Variants in GXYLT2 observed in about 807,000 individuals in gnomAD.
The protein encoded by GXYLT2 is glycosyltransferase 8 domain containing 4.
Under a neutral mutation model 45.8 loss-of-function variants are expected in GXYLT2, and 53 were observed. That is an observed-to-expected ratio of 1.16 (90% CI 0.93 to 1.46). GXYLT2 has a LOEUF of 1.46. GXYLT2 is among the 40% of genes most tolerant of loss of function. The pLI is 0.00. For synonymous variants in GXYLT2, 219 were observed against 214.2 expected (o/e 1.02, Z -0.19); for missense variants, 551 against 544.4 (o/e 1.01, Z -0.12).
chr3:72,888,499 AGTT>A lies in GXYLT2; in HGVS notation c.268_270del (p.Leu90del). 8.1e-7 allele frequency: 1 copy of A among 1,233,996 alleles called. No homozygotes were observed. Among genetic ancestry groups the A allele is most frequent in the Non-Finnish European group, 1.0e-6 (1 of 985,460 alleles). 76.4% of individuals were successfully genotyped at this position (1,233,996 alleles called of 1,614,324 possible). A position where few individuals can be genotyped will look rare whatever the true frequency, so the allele number is the denominator to read the frequency against. ...CGCCGGGGCGCTGCGAGACTGGAGA[AGTT>A]GGCGAGGTGAGTCGTGGCAACCCCA... On this transcript the variant is annotated inframe_deletion, in exon 1 of 7. Coordinates refer to ENST00000389617, the MANE Select transcript of GXYLT2 (RefSeq NM_001080393.2).
intron 2 of GXYLT2, among the ~76,000 whole-genome samples, chr3:72,919,263 A>C (rs868322185): frequency 6.6e-6 from 1 of 152,206 alleles, no homozygotes; most frequent in Non-Finnish European, 1.5e-5. Flanking sequence ...TGGATAAACA[A>C]ACTGTGATAT....
intron 1 of GXYLT2, among the ~76,000 whole-genome samples, chr3:72,898,974 G>A (rs542127129): frequency 5.3e-5 from 8 of 151,732 alleles, no homozygotes; most frequent in African/African-American, 9.7e-5. Flanking sequence ...CAGGTGATCC[G>A]CCTGCCTTGG....
At chr3:72,911,971 GTGTGCATGTGTGTGTGTGTGTGTA>G (rs1413854532) in intron 2 of GXYLT2, among the ~76,000 whole-genome samples, 1 of 142,204 alleles carries the variant, frequency 7.0e-6, no homozygotes, top group Non-Finnish European at 1.5e-5. Flanking sequence ...GTGTGTGTGT[GTGTGCATGTGTGTGTGTGTGTGTA>G]TATATATATA....
rs745872107 is a variant in GXYLT2, at chr3:72,967,723, A to G, written c.1149+4A>G. 2 of 1,613,080 alleles carry G rather than the reference A, an allele frequency of 1.2e-6. No homozygotes were observed. Among genetic ancestry groups the G allele is most frequent in the African/African-American group, 2.7e-5 (2 of 74,906 alleles). On this transcript the variant is annotated splice_donor_region_variant and intron_variant, in intron 6 of 6. Coordinates refer to ENST00000389617, the MANE Select transcript of GXYLT2 (RefSeq NM_001080393.2). ...ACTCTATGAAGCAATACGGGATGTAAGTGTGCCCTTGCTGCTGTTAGCAGA... is the reference window on the plus strand; with the variant it reads ...ACTCTATGAAGCAATACGGGATGTAGGTGTGCCCTTGCTGCTGTTAGCAGA...
Position 72,946,449 on chromosome 3 carries a change from A to G in GXYLT2, c.601-8649A>G, listed in dbSNP as rs11717052. 9.1e-4 allele frequency among the ~76,000 whole-genome samples: 139 copies of G among 152,294 alleles called. 1 individual carries two copies. Among genetic ancestry groups the G allele is most frequent in the Non-Finnish European group, 1.4e-3 (95 of 68,024 alleles). The stretch of plus-strand genomic sequence containing the variant: ...GTTCAGGCGGCAAGAACACAAGACC[A>G]TAAGTTAGGTAGCTTATAAACAACA... On this transcript the variant is annotated intron_variant, in intron 3 of 6. Transcript: ENST00000389617.
At chr3:72,898,606 C>T (rs960973256) in intron 1 of GXYLT2, among the ~76,000 whole-genome samples, 3 of 152,120 alleles carry the variant, frequency 2.0e-5, no homozygotes, top group Non-Finnish European at 4.4e-5. Flanking sequence ...GTAGAGTTGG[C>T]AAAGGTCTGT....
Position 72,975,130 on chromosome 3 carries a change from A to T in GXYLT2, c.1303A>T (p.Ile435Phe), listed in dbSNP as rs563351437. 6.2e-7 allele frequency: 1 copy of T among 1,613,714 alleles called. No homozygotes were observed. Among genetic ancestry groups the T allele is most frequent in the East Asian group, 2.2e-5 (1 of 44,870 alleles). The change falls in exon 7 of 7, where the codon ATC (isoleucine) becomes TTC (phenylalanine). Residue 435 changes from isoleucine to phenylalanine, a missense_variant. Physicochemically the swap from Ile to Phe is conservative, Grantham distance 21. Coordinates refer to ENST00000389617, the MANE Select transcript of GXYLT2 (RefSeq NM_001080393.2). ...AAGGGCTTATGAGAAACACGTCATC[A>T]TCCATGTTGGCCCCAACCAGATGCA... ...MKRAYEKHVI[I>F]HVGPNQMH
chr3:72,950,590 A>G (rs890417863), intron 3 of GXYLT2, among the ~76,000 whole-genome samples: 5 of 152,022 alleles, frequency 3.3e-5, no homozygotes, highest in African/African-American at 1.2e-4. Flanking sequence ...TGATTGCACC[A>G]CTGCACTCCA....
Position 72,967,667 on chromosome 3 carries a change from A to G in GXYLT2, c.1097A>G (p.Tyr366Cys), listed in dbSNP as rs1559753175. ...VSVLHGNRGV[Y>C]HDDKQPTFRA... ...GTTCTGCATGGAAACCGAGGCGTCTACCATGACGATAAGCAACCAACGTTC... is the reference window on the plus strand; with the variant it reads ...GTTCTGCATGGAAACCGAGGCGTCTGCCATGACGATAAGCAACCAACGTTC... Residue 366 changes from tyrosine (Y) to cysteine (C), a missense_variant, in exon 6 of 7, where the codon TAC becomes TGC. Physicochemically the swap from Tyr to Cys is radical, Grantham distance 194. Coordinates refer to ENST00000389617, the MANE Select transcript of GXYLT2 (RefSeq NM_001080393.2). The G allele has an allele frequency of 1.2e-6, 2 of 1,613,852 alleles. No homozygotes were observed. The highest frequency in any genetic ancestry group is 1.3e-5 in the African/African-American group (1 of 74,940).
At chr3:72,904,417 G>A (rs1314239636) in intron 1 of GXYLT2, among the ~76,000 whole-genome samples, 3 of 152,202 alleles carry the variant, frequency 2.0e-5, no homozygotes, top group Non-Finnish European at 4.4e-5. Context: ...AATGTGAGAA[G>A]TAATAGGGTG....
chr3:72,897,314 C>A (rs1709312733), intron 1 of GXYLT2, among the ~76,000 whole-genome samples: 1 of 152,210 alleles, frequency 6.6e-6, no homozygotes, highest in South Asian at 2.1e-4. Context: ...CCTTTTAGCT[C>A]TGCTTCCTTC....
chr3:72,894,626 G>A (rs1018694513), intron 1 of GXYLT2, among the ~76,000 whole-genome samples: 4 of 152,216 alleles, frequency 2.6e-5, no homozygotes, highest in African/African-American at 9.6e-5. Context: ...TCCTGGAGTG[G>A]CCAACCCAGA....
intron 1 of GXYLT2, among the ~76,000 whole-genome samples, chr3:72,893,126 T>A (rs1362989988): frequency 1.3e-5 from 2 of 152,156 alleles, no homozygotes; most frequent in Non-Finnish European, 2.9e-5. Context: ...TCCACCTATT[T>A]GCTGGTTAAA....
At chr3:72,938,581 G>A (rs1000496302) in intron 3 of GXYLT2, among the ~76,000 whole-genome samples, 1 of 152,338 alleles carries the variant, frequency 6.6e-6, no homozygotes, top group African/African-American at 2.4e-5. Context: ...ATGGCTAACG[G>A]AATGTCTACA....
At chr3:72,962,622 G>A (rs907829514) in intron 5 of GXYLT2, among the ~76,000 whole-genome samples, 2 of 152,202 alleles carry the variant, frequency 1.3e-5, no homozygotes, top group African/African-American at 4.8e-5. Context: ...AGCACTATGT[G>A]CCAGCCACAG....
chr3:72,905,883 A>G (rs1305834080), intron 1 of GXYLT2, among the ~76,000 whole-genome samples: 1 of 152,236 alleles, frequency 6.6e-6, no homozygotes, highest in Non-Finnish European at 1.5e-5. Context: ...TTCCCTGATT[A>G]CTAAGATTAA....
chr3:72,972,182 T>C (rs1011943518), intron 6 of GXYLT2, among the ~76,000 whole-genome samples: 1 of 152,148 alleles, frequency 6.6e-6, no homozygotes, highest in Non-Finnish European at 1.5e-5. Context: ...GTGTACGTGT[T>C]TGTGTGAAAG....
In GXYLT2 at chr3:72,894,689, G is replaced by T. The variant is rs116309824; in HGVS notation, c.275+6181G>T. On this transcript the variant is annotated intron_variant, in intron 1 of 6. Coordinates refer to ENST00000389617, the MANE Select transcript of GXYLT2 (RefSeq NM_001080393.2). Reference sequence around the variant, plus strand: ...ATCTGAGCCCTCGTCCTGCCCCGTGGAACACGGGCTATACAGGGGATTAAG... The same window carrying T: ...ATCTGAGCCCTCGTCCTGCCCCGTGTAACACGGGCTATACAGGGGATTAAG... Among the ~76,000 whole-genome samples, 1,120 of 152,350 alleles carry T rather than the reference G, an allele frequency of 7.4e-3. 13 individuals carry two copies. The highest frequency in any genetic ancestry group is 0.026 in the African/African-American group (1,068 of 41,578).
intron 3 of GXYLT2, chr3:72,929,231 A>G (rs1226436570): frequency 1.3e-6 from 2 of 1,562,932 alleles, no homozygotes; most frequent in Non-Finnish European, 1.7e-6. Context: ...TCATGAGGAG[A>G]GGGAACATGC....
Sources: gnomAD v4.1 joint callset for allele counts (sites outside exome capture counted in the v4.1 genomes callset) on GRCh38, gnomAD v4.1.1 for gene constraint, MANE v1.5 for transcripts, NCBI Gene and HGNC (gene_info 2026-07-23, HGNC 2026-07-21) for gene names.